FLG: variants seen among roughly 807,000 people sequenced by gnomAD.
FLG encodes filaggrin.
A neutral mutation model predicts 3.8 loss-of-function variants in FLG; 6 were observed. That is an observed-to-expected ratio of 1.60 (90% CI 0.87 to 3.15). The LOEUF (loss-of-function observed/expected upper bound fraction) is 3.15. Among genes scored for constraint, FLG ranks in the 30% most tolerant of loss-of-function variants. The probability of loss-of-function intolerance (pLI) is 0.00; values close to 1 mark genes in which losing one functional copy is unlikely to be tolerated. For missense variants in FLG, 7,595 were observed against 5,050.9 expected (o/e 1.50, Z -15.27); for synonymous variants, 2,551 against 1,931.6 (o/e 1.32, Z -8.41).
At position 152,315,219 on chromosome 1, in the gene FLG, T is replaced by C. The variant is rs984702934; in HGVS notation, c.138+100A>G. On this transcript the variant is annotated intron_variant, in intron 2 of 2. Transcript: ENST00000368799. ...GAGACAAGATTAACTCTTTTCCTATTTTAAGAGAAATAGTTCACAAAGAGC... is the reference window on the plus strand; with the variant it reads ...GAGACAAGATTAACTCTTTTCCTATCTTAAGAGAAATAGTTCACAAAGAGC... 2.1e-5 allele frequency: 25 copies of C among 1,170,484 alleles called. No homozygotes were observed. The South Asian group carries it at 3.3e-4, about 16-fold the overall frequency. 72.5% of individuals were successfully genotyped at this position (1,170,484 alleles called of 1,614,324 possible). A position where few individuals can be genotyped will look rare whatever the true frequency, so the allele number is the denominator to read the frequency against.
Position 152,312,459 on chromosome 1 carries a change from C to G in FLG, c.2427G>C (p.Trp809Cys), listed in dbSNP as rs745516434. ...THKQSESSHGWTGPSTGVRQG... is the reference protein window; with the variant it reads ...THKQSESSHGCTGPSTGVRQG... Reference sequence around the variant, plus strand: ...GTCTTACTCCAGTGCTGGGCCCTGTCCATCCATGGGAGGACTCAGACTGTT... The same window carrying G: ...GTCTTACTCCAGTGCTGGGCCCTGTGCATCCATGGGAGGACTCAGACTGTT... The change falls in exon 3 of 3, where the codon TGG becomes TGC. Residue 809 changes from tryptophan (W) to cysteine (C), a missense_variant. Trp to Cys is a radical substitution (Grantham distance 215). Coordinates refer to ENST00000368799, the MANE Select transcript of FLG (RefSeq NM_002016.2). 28 of 1,613,506 alleles carry G rather than the reference C, an allele frequency of 1.7e-5. No homozygotes were observed.
rs776562005 is a variant in FLG, at chr1:152,314,058, A to C, written c.828T>G (p.His276Gln). Residue 276 changes from histidine to glutamine, a missense_variant, in exon 3 of 3, where the codon CAT (histidine) becomes CAG (glutamine). By Grantham distance (24) the His-to-Gln change is conservative. Transcript: ENST00000368799. ...GCAATGGTACCTGGCTTGTATTTTC[A>C]TGTCTTGACCTGTTCACTTGAGATG... is the stretch of plus-strand genomic sequence containing the variant. ...KSSSQVNRSR[H>Q]ENTSQVPLQE... The C allele has an allele frequency of 6.2e-7, 1 of 1,614,010 alleles. No homozygotes were observed. The highest frequency in any genetic ancestry group is 2.2e-5 in the East Asian group (1 of 44,864).
Position 152,303,676 on chromosome 1 carries a change from G to T in FLG, c.11210C>A (p.Ser3737Tyr), listed in dbSNP as rs1181825728. ...GCTGTCTCGTGCCTGCTCGTGGCGGGATCCTTGTCTTCCTCCAGTACTGGG... is the reference window on the plus strand; with the variant it reads ...GCTGTCTCGTGCCTGCTCGTGGCGGTATCCTTGTCTTCCTCCAGTACTGGG... ...AGPSTGGRQG[S>Y]RHEQARDSSR... Residue 3737 changes from serine (S) to tyrosine (Y), a missense_variant, in exon 3 of 3, where the codon TCC (serine) becomes TAC (tyrosine). By Grantham distance (144) the Ser-to-Tyr change is moderately radical (BLOSUM62 -2). Transcript: ENST00000368799. 7 of 1,614,016 alleles carry T rather than the reference G, an allele frequency of 4.3e-6. No individual in the cohort carries two copies. In the South Asian group the frequency reaches 7.7e-5, roughly 18 times the overall value.
rs773623399 is a variant in FLG, at chr1:152,313,131, C to A, written c.1755G>T (p.Gly585=). 7 of 1,613,636 alleles carry A rather than the reference C, an allele frequency of 4.3e-6. No individual in the cohort carries two copies. Among genetic ancestry groups the A allele is most frequent in the African/African-American group, 2.7e-5 (2 of 74,718 alleles). Residue 585 remains glycine (G), a synonymous_variant, in exon 3 of 3, where the codon GGG becomes GGT. Coordinates refer to ENST00000368799, the MANE Select transcript of FLG (RefSeq NM_002016.2). ...GAGAGGAAGCTTCATGATGACGTGA[C>A]CCTGAGTGCCTGGTGCCGTCTCCTG... is the stretch of plus-strand genomic sequence containing the variant. ...EQSGDGTRHS[G]SRHHEASSQA... is the part of the protein sequence containing the mutation.
rs140980397 is a variant in FLG, at chr1:152,308,956, G to C, written c.5930C>G (p.Ser1977Ter). The C allele has an allele frequency of 5.6e-6, 9 of 1,614,064 alleles. No individual in the cohort carries two copies. The highest frequency in any genetic ancestry group is 7.6e-6 in the Non-Finnish European group (9 of 1,180,020). ...GGAAGACTCTGTGTGACGAGTGCCT[G>C]ATTGTCTGGAGCTGTCTGCAGAGTG... ...HGHSADSSRQ[S>*]GTRHTESSSR... The change falls in exon 3 of 3, where the codon TCA becomes TGA. Residue 1977 changes from serine to a stop codon, truncating the protein, a stop_gained. Coordinates refer to ENST00000368799, the MANE Select transcript of FLG (RefSeq NM_002016.2). LOFTEE classifies it low-confidence loss of function (END_TRUNC).
In FLG at chr1:152,312,439, A is replaced by C. The variant is rs150293662; in HGVS notation, c.2447T>G (p.Val816Gly). The change falls in exon 3 of 3, where the codon GTA becomes GGA. Residue 816 changes from valine to glycine, a missense_variant. Transcript: ENST00000368799. ...SHGWTGPSTGVRQGSHHEQAR... is the reference protein window; with the variant it reads ...SHGWTGPSTGGRQGSHHEQAR... ...CTGCTCATGGTGGGATCCTTGTCTT[A>C]CTCCAGTGCTGGGCCCTGTCCATCC... The C allele has an allele frequency of 7.6e-4, 1,223 of 1,612,220 alleles. 2 individuals carry two copies. The highest frequency in any genetic ancestry group is 5.0e-3 in the African/African-American group (373 of 74,170).
chr1:152,307,059 A>T lies in FLG; in HGVS notation c.7827T>A (p.His2609Gln). 1.2e-6 allele frequency: 2 copies of T among 1,607,000 alleles called. No individual in the cohort carries two copies. Among genetic ancestry groups the T allele is most frequent in the Non-Finnish European group, 1.7e-6 (2 of 1,178,886 alleles). The change falls in exon 3 of 3, where the codon CAT becomes CAA. Residue 2609 changes from histidine (H) to glutamine (Q), a missense_variant. Physicochemically the swap from His to Gln is conservative, Grantham distance 24 (BLOSUM62 0). Transcript: ENST00000368799. ...LRDGSRHPRS[H>Q]QEDRAGHGHS... is the part of the protein sequence containing the mutation. ...GCCCATGACCAGCTCTGTCTTCTTG[A>T]TGGGACCTGGGGTGTCTGGAGCCAT... is the stretch of plus-strand genomic sequence containing the variant.
Position 152,302,626 on chromosome 1 carries a change from T to G in FLG, c.*74A>C, listed in dbSNP as rs1198670717. On this transcript the variant is annotated 3_prime_UTR_variant, in exon 3 of 3. Transcript: ENST00000368799. Reference sequence around the variant, plus strand: ...GAAAAGATAACTTCCCTGAAAGTATTATGAAGTTTCTTGATTGAAAGTGAA... The same window carrying G: ...GAAAAGATAACTTCCCTGAAAGTATGATGAAGTTTCTTGATTGAAAGTGAA... The G allele has an allele frequency of 1.9e-6, 3 of 1,573,548 alleles. No homozygotes were observed. The highest frequency in any genetic ancestry group is 2.6e-6 in the Non-Finnish European group (3 of 1,157,900).
Position 152,304,222 on chromosome 1 carries a change from C to A in FLG, c.10664G>T (p.Trp3555Leu), listed in dbSNP as rs200832353. 44 of 1,611,958 alleles carry A rather than the reference C, an allele frequency of 2.7e-5. No individual in the cohort carries two copies. The highest frequency in any genetic ancestry group is 3.7e-5 in the Non-Finnish European group (44 of 1,179,672). The change falls in exon 3 of 3, where the codon TGG becomes TTG. Residue 3555 changes from tryptophan to leucine, a missense_variant. Physicochemically the swap from Trp to Leu is moderately conservative, Grantham distance 61 (BLOSUM62 -2). Coordinates refer to ENST00000368799, the MANE Select transcript of FLG (RefSeq NM_002016.2). ...ATGGTTTCTGGAAGCAGACCCAGAC[C>A]ACCTCTCAGAGTCTTCTGAGTGTCC... ...SQGHSEDSERWSGSASRNHRG... is the reference protein window; with the variant it reads ...SQGHSEDSERLSGSASRNHRG...
Position 152,314,304 on chromosome 1 carries a change from T to C in FLG, c.582A>G (p.Gly194=), listed in dbSNP as rs1421784563. 1 of 1,613,604 alleles carries C rather than the reference T, an allele frequency of 6.2e-7. No individual in the cohort carries two copies. Among genetic ancestry groups the C allele is most frequent in the East Asian group, 2.2e-5 (1 of 44,860 alleles). The change falls in exon 3 of 3, where the codon GGA becomes GGG. Residue 194 remains glycine, a synonymous_variant. Coordinates refer to ENST00000368799, the MANE Select transcript of FLG (RefSeq NM_002016.2). ...TTTCACTTAGCCTCTTCCTATTGTC[T>C]CCTAATCTAGTATTTTCAGTCTTGT... ...EKNKTENTRL[G]DNRKRLSERL...
At chr1:152,324,704 T>C (rs1653090811) in intron 1 of FLG, among the ~76,000 whole-genome samples, 3 of 151,860 alleles carry the variant, frequency 2.0e-5, no homozygotes. Flanking sequence ...CAGTGTGTTT[T>C]ATGTGTGGCC....
In FLG at chr1:152,313,604, G is replaced by T; in HGVS notation, c.1282C>A (p.His428Asn). The change falls in exon 3 of 3, where the codon CAT (histidine) becomes AAT (asparagine). Residue 428 changes from histidine (H) to asparagine (N), a missense_variant. By Grantham distance (68) the His-to-Asn change is moderately conservative. Transcript: ENST00000368799. ...SGSQASDSEG[H>N]SENSDTQSVS... Reference sequence around the variant, plus strand: ...GATTGTGTGTCTGAGTTTTCTGAATGTCCCTCACTGTCACTGGCCTGACTA... The same window carrying T: ...GATTGTGTGTCTGAGTTTTCTGAATTTCCCTCACTGTCACTGGCCTGACTA... 6.2e-7 allele frequency: 1 copy of T among 1,613,976 alleles called. No homozygotes were observed. The highest frequency in any genetic ancestry group is 8.5e-7 in the Non-Finnish European group (1 of 1,180,004).
Position 152,307,251 on chromosome 1 carries a change from T to G in FLG, c.7635A>C (p.Gly2545=), listed in dbSNP as rs753802768. Residue 2545 remains glycine, a synonymous_variant, in exon 3 of 3, where the codon GGA becomes GGC. Transcript: ENST00000368799. The part of the protein sequence containing the change: ...HEASSRADSS[G]HSQVGQGQSE... ...ATTGTCCCTGGCCCACCTGCGAGTG[T>G]CCAGAGCTGTCGGCCCGAGAGGAAG... is the stretch of plus-strand genomic sequence containing the variant. The G allele has an allele frequency of 6.2e-7, 1 of 1,612,860 alleles. No individual in the cohort carries two copies. Among genetic ancestry groups the G allele is most frequent in the Admixed American group, 1.7e-5 (1 of 59,920 alleles).
rs751152856 is a variant in FLG at position 152,308,622 on chromosome 1, C to T, written c.6264G>A (p.Gly2088=). 5.0e-6 allele frequency: 8 copies of T among 1,614,098 alleles called. No homozygotes were observed. Among genetic ancestry groups the T allele is most frequent in the East Asian group, 4.5e-5 (2 of 44,876 alleles). The change falls in exon 3 of 3, where the codon GGG becomes GGA. Residue 2088 remains glycine, a synonymous_variant. Coordinates refer to ENST00000368799, the MANE Select transcript of FLG (RefSeq NM_002016.2). ...GQSGESSGRS[G]SFLYQVSTHE... is the part of the protein sequence containing the mutation. ...GAGTGCTCACCTGGTAGAGGAAAGA[C>T]CCTGAACGTCCAGAGCTTTCCCCTG...
Position 152,313,879 on chromosome 1 carries a change from G to A in FLG, c.1007C>T (p.Pro336Leu), listed in dbSNP as rs1391596491. ...GGCTCTGTCTTCATCATGGGACCTGGGGTGTCTGGAGCCATCTCTTGACTG... is the reference window on the plus strand; with the variant it reads ...GGCTCTGTCTTCATCATGGGACCTGAGGTGTCTGGAGCCATCTCTTGACTG... ...WEQSRDGSRH[P>L]RSHDEDRASH... Residue 336 changes from proline to leucine, a missense_variant, in exon 3 of 3, where the codon CCC (proline) becomes CTC (leucine). Transcript: ENST00000368799. 1 of 1,613,904 alleles carries A rather than the reference G, an allele frequency of 6.2e-7. No individual in the cohort carries two copies. The highest frequency in any genetic ancestry group is 1.7e-5 in the Admixed American group (1 of 60,010).
At position 152,308,487 on chromosome 1, in the gene FLG, C is replaced by T; in HGVS notation, c.6399G>A (p.Glu2133=). 2 of 1,613,664 alleles carry T rather than the reference C, an allele frequency of 1.2e-6. No individual in the cohort carries two copies. Among genetic ancestry groups the T allele is most frequent in the Non-Finnish European group, 1.7e-6 (2 of 1,179,850 alleles). The change falls in exon 3 of 3, where the codon GAG becomes GAA. Residue 2133 remains glutamate, a synonymous_variant. Coordinates refer to ENST00000368799, the MANE Select transcript of FLG (RefSeq NM_002016.2). ...QDSSRHSASQ[E]GQDTIRGHPG... is the part of the protein sequence containing the mutation. ...GGTGTCCACGAATGGTGTCCTGACC[C>T]TCTTGGGATGCTGAGTGCCTGGAGC...
At position 152,308,004 on chromosome 1, in the gene FLG, G is replaced by C; in HGVS notation, c.6882C>G (p.His2294Gln). 1 of 1,614,206 alleles carries C rather than the reference G, an allele frequency of 6.2e-7. No homozygotes were observed. Among genetic ancestry groups the C allele is most frequent in the Non-Finnish European group, 8.5e-7 (1 of 1,180,040 alleles). ...CTGATTGTCTGGAGCTCTCTGCAGA[G>C]TGCCCATGACCGGCTCTGTCTTCGT... The part of the protein sequence containing the change: ...SHHEDRAGHG[H>Q]SAESSRQSGT... The change falls in exon 3 of 3, where the codon CAC (histidine) becomes CAG (glutamine). Residue 2294 changes from histidine (H) to glutamine (Q), a missense_variant. His to Gln is a conservative substitution (Grantham distance 24). Transcript: ENST00000368799.
In FLG at chr1:152,313,978, C is replaced by T. The variant is rs1303011628; in HGVS notation, c.908G>A (p.Ser303Asn). The T allele has an allele frequency of 4.3e-6, 7 of 1,614,120 alleles. No individual in the cohort carries two copies. Among genetic ancestry groups the T allele is most frequent in the African/African-American group, 1.3e-5 (1 of 74,936 alleles). ...CTCAGAGTCTTCTGAGTGTCCCTCACTGTCCCTGTCCTGGCTAACTCTGGA... is the reference window on the plus strand; with the variant it reads ...CTCAGAGTCTTCTGAGTGTCCCTCATTGTCCCTGTCCTGGCTAACTCTGGA... ...RGSRVSQDRD[S>N]EGHSEDSERH... Residue 303 changes from serine (S) to asparagine (N), a missense_variant, in exon 3 of 3, where the codon AGT (serine) becomes AAT (asparagine). Coordinates refer to ENST00000368799, the MANE Select transcript of FLG (RefSeq NM_002016.2).
In FLG at chr1:152,311,016, A is replaced by C. The variant is rs753412992; in HGVS notation, c.3870T>G (p.Ala1290=). ...GAGAAGATCCATGATGGTTTCTGGAAGCAGACCCAGACAACCTCTCGGAGT... is the reference window on the plus strand; with the variant it reads ...GAGAAGATCCATGATGGTTTCTGGACGCAGACCCAGACAACCTCTCGGAGT... The part of the protein sequence containing the change: ...SDDSERLSGS[A]SRNHHGSSRE... Residue 1290 remains alanine, a synonymous_variant, in exon 3 of 3, where the codon GCT becomes GCG. Transcript: ENST00000368799. The C allele has an allele frequency of 6.2e-7, 1 of 1,613,816 alleles. No homozygotes were observed. Among genetic ancestry groups the C allele is most frequent in the Admixed American group, 1.7e-5 (1 of 60,000 alleles).
Sources: gnomAD v4.1 joint callset for allele counts (sites outside exome capture counted in the v4.1 genomes callset) on GRCh38, gnomAD v4.1.1 for gene constraint, MANE v1.5 for transcripts, NCBI Gene and HGNC (gene_info 2026-07-23, HGNC 2026-07-21) for gene names.